MDGA2: variants seen among roughly 807,000 people sequenced by gnomAD.
MDGA2 encodes the protein MAM domain-containing glycosylphosphatidylinositol anchor protein 2.
In MDGA2, 40 loss-of-function variants were observed where a neutral mutation model predicts 117.8. The ratio of observed to expected loss-of-function variants is 0.34; its 90% CI spans 0.26 to 0.44. The LOEUF (loss-of-function observed/expected upper bound fraction) is 0.44. Ranked by LOEUF, MDGA2 falls within the 20% of genes least tolerant of loss-of-function variation. MDGA2 has a pLI of 1.00. For synonymous variants in MDGA2, 452 were observed against 439.0 expected (o/e 1.03, Z -0.37); for missense variants, 1,123 against 1,250.6 (o/e 0.90, Z 1.54).
intron 1 of MDGA2, among the ~76,000 whole-genome samples, chr14:47,626,681 T>A (rs1357600648): frequency 6.6e-6 from 1 of 151,988 alleles, no homozygotes; most frequent in Non-Finnish European, 1.5e-5. Context: ...GCCCGGGCGG[T>A]GAGGGGCTTA....
intron 1 of MDGA2, among the ~76,000 whole-genome samples, chr14:47,627,886 C>G (rs1184846710): frequency 6.6e-6 from 1 of 152,146 alleles, no homozygotes; most frequent in Non-Finnish European, 1.5e-5. Context: ...ACGAACCCAC[C>G]AGAAGGAAGA....
intron 10 of MDGA2, among the ~76,000 whole-genome samples, chr14:46,909,485 C>G (rs538433529): frequency 2.5e-4 from 38 of 152,140 alleles, no homozygotes; most frequent in Admixed American, 7.9e-4. Context: ...AAATTAAGGC[C>G]TGGTACCTGC....
intron 10 of MDGA2, among the ~76,000 whole-genome samples, chr14:46,896,501 A>C (rs940103344): frequency 2.0e-5 from 3 of 152,146 alleles, no homozygotes; most frequent in Admixed American, 1.3e-4. Context: ...CGAAAAAAGT[A>C]ATGGAGGATC....
chr14:47,360,342 A>T lies in MDGA2; in HGVS notation c.281-58792T>A, dbSNP rs1364515561. 2.0e-5 allele frequency among the ~76,000 whole-genome samples: 3 copies of T among 146,600 alleles called. No individual in the cohort carries two copies. In the Admixed American group the frequency reaches 2.1e-4, roughly 10 times the overall value. ...CTCCAGCCTGGGCAACAGGAGTGAGAGTCCATCTCAAAAAATAAATAAATA... is the reference window on the plus strand; with the variant it reads ...CTCCAGCCTGGGCAACAGGAGTGAGTGTCCATCTCAAAAAATAAATAAATA... On this transcript the variant is annotated intron_variant, in intron 1 of 16. Transcript: ENST00000399232.
At chr14:47,661,589 A>T (rs1897846842) in intron 1 of MDGA2, among the ~76,000 whole-genome samples, 1 of 152,164 alleles carries the variant, frequency 6.6e-6, no homozygotes, top group African/African-American at 2.4e-5. Context: ...TGATTAATAG[A>T]ACGGCAGGGA....
intron 1 of MDGA2, among the ~76,000 whole-genome samples, chr14:47,431,998 T>C (rs1333716435): frequency 6.6e-6 from 1 of 152,034 alleles, no homozygotes; most frequent in Non-Finnish European, 1.5e-5. Flanking sequence ...CAAATATAGA[T>C]AGCATATTAT....
intron 8 of MDGA2, among the ~76,000 whole-genome samples, chr14:47,005,469 A>G (rs1366012363): frequency 6.6e-6 from 1 of 151,666 alleles, no homozygotes; most frequent in Non-Finnish European, 1.5e-5. Context: ...CTGCATCATC[A>G]TAATGTATTA....
At chr14:47,449,693 T>A (rs1196789793) in intron 1 of MDGA2, among the ~76,000 whole-genome samples, 1 of 152,028 alleles carries the variant, frequency 6.6e-6, no homozygotes, top group Non-Finnish European at 1.5e-5. Flanking sequence ...AAAAAAATGG[T>A]TTCAGGTTTT....
chr14:47,268,184 T>C (rs1420355503), intron 2 of MDGA2, among the ~76,000 whole-genome samples: 2 of 151,974 alleles, frequency 1.3e-5, no homozygotes, highest in East Asian at 1.9e-4. Context: ...GCCATTCTCC[T>C]GTCTCAGCCT....
At chr14:47,160,669 T>C (rs764246886) in intron 3 of MDGA2, among the ~76,000 whole-genome samples, 17 of 152,030 alleles carry the variant, frequency 1.1e-4, no homozygotes, top group Non-Finnish European at 2.4e-4. Flanking sequence ...GTCTCTAAAA[T>C]AAATGAATAA....
rs1036656982 is a variant in MDGA2 at position 46,956,660 on chromosome 14, T to A, written c.2089+714A>T. On this transcript the variant is annotated intron_variant, in intron 9 of 16. Coordinates refer to ENST00000399232, the MANE Select transcript of MDGA2 (RefSeq NM_001113498.3). ...TGAGATTTGAATAGAAAAAAAAAAA[T>A]GTTTGCAACTTGATCTAATTAAAGC... 4.1e-5 allele frequency among the ~76,000 whole-genome samples: 6 copies of A among 147,540 alleles called. 1 individual carries two copies. The highest frequency in any genetic ancestry group is 1.0e-4 in the African/African-American group (4 of 38,754).
intron 1 of MDGA2, among the ~76,000 whole-genome samples, chr14:47,668,126 T>A (rs1475815388): frequency 6.6e-6 from 1 of 152,216 alleles, no homozygotes; most frequent in Non-Finnish European, 1.5e-5. Context: ...GCACAGATCT[T>A]ACTCAATTCA....
chr14:46,984,615 C>G (rs1371770008), intron 8 of MDGA2, among the ~76,000 whole-genome samples: 1 of 151,932 alleles, frequency 6.6e-6, no homozygotes, highest in African/African-American at 2.4e-5. Flanking sequence ...ATCAATTCCA[C>G]AGTTATAATC....
At position 47,375,241 on chromosome 14, in the gene MDGA2, G is replaced by A. The variant is rs183138917; in HGVS notation, c.281-73691C>T. Among the ~76,000 whole-genome samples, 729 of 148,734 alleles carry A rather than the reference G, an allele frequency of 4.9e-3. 5 individuals are homozygous for A. The highest frequency in any genetic ancestry group is 0.017 in the African/African-American group (690 of 40,728). ...TTAGTAACAGTTAATTTTCTTTTTC[G>A]TAACTGCTTAGCCTACAACTTCCAT... On this transcript the variant is annotated intron_variant, in intron 1 of 16. Coordinates refer to ENST00000399232, the MANE Select transcript of MDGA2 (RefSeq NM_001113498.3).
chr14:47,540,175 G>A (rs955285362), intron 1 of MDGA2, among the ~76,000 whole-genome samples: 1 of 151,994 alleles, frequency 6.6e-6, no homozygotes, highest in Non-Finnish European at 1.5e-5. Context: ...CACCTCGCCC[G>A]GCTAATTTTT....
chr14:46,873,353 T>C (rs966065526), intron 14 of MDGA2, 80 bp downstream of exon 14: 1 of 1,309,910 alleles, frequency 7.6e-7, no homozygotes, highest in Non-Finnish European at 1.0e-6. Flanking sequence ...CAAAAATTGT[T>C]TTAATGCTGT....
intron 6 of MDGA2, among the ~76,000 whole-genome samples, chr14:47,082,562 A>T (rs1035919365): frequency 5.9e-5 from 9 of 152,124 alleles, no homozygotes; most frequent in South Asian, 2.1e-4. Context: ...GATTGGAATG[A>T]AACAGTAAGA....
intron 2 of MDGA2, among the ~76,000 whole-genome samples, chr14:47,237,201 G>A (rs1403812160): frequency 2.0e-5 from 3 of 151,898 alleles, no homozygotes; most frequent in African/African-American, 7.3e-5. Flanking sequence ...CAGGAACCAA[G>A]AAGGTAAGGT....
rs139161116 is a variant in MDGA2, at chr14:47,543,720, T to A, written c.280+130797A>T. On this transcript the variant is annotated intron_variant, in intron 1 of 16. Coordinates refer to ENST00000399232, the MANE Select transcript of MDGA2 (RefSeq NM_001113498.3). ...AAATCATCTAATCTAGTCACCAGAC[T>A]TCATAAAAATCTATAAATCATCAAG... 2.8e-3 allele frequency among the ~76,000 whole-genome samples: 430 copies of A among 152,332 alleles called. 4 individuals are homozygous for A. The highest frequency in any genetic ancestry group is 5.2e-3 in the Non-Finnish European group (356 of 68,030).
Sources: allele counts gnomAD v4.1 joint callset (sites outside exome capture counted in the v4.1 genomes callset), GRCh38; gene constraint gnomAD v4.1.1; transcripts MANE v1.5; gene names NCBI Gene and HGNC (gene_info 2026-07-23, HGNC 2026-07-21).